TP73: variants seen among roughly 807,000 people sequenced by gnomAD.
TP73 encodes tumor protein p73, also known as p53-like transcription factor.
Under a neutral mutation model 62.5 loss-of-function variants are expected in TP73, and 25 were observed. The observed-to-expected ratio is 0.40, with a 90% CI of 0.29 to 0.56. The LOEUF (loss-of-function observed/expected upper bound fraction) is 0.56. Ranked by LOEUF, TP73 falls within the 20% of genes least tolerant of loss-of-function variation. TP73 has a pLI of 0.46. For missense variants in TP73, 754 were observed against 913.3 expected (o/e 0.83, Z 2.25); for synonymous variants, 423 against 377.5 (o/e 1.12, Z -1.40).
At chr1:3,697,734 A>C (rs1318205948) in intron 3 of TP73, among the ~76,000 whole-genome samples, 1 of 152,218 alleles carries the variant, frequency 6.6e-6, no homozygotes, top group African/African-American at 2.4e-5. Flanking sequence ...AGGCCAGTGC[A>C]CTGGGCGGGA....
At chr1:3,693,642 G>C (rs372125190) in intron 3 of TP73, among the ~76,000 whole-genome samples, 1 of 152,060 alleles carries the variant, frequency 6.6e-6, no homozygotes, top group South Asian at 2.1e-4. Flanking sequence ...AGATGGGGAC[G>C]CAGGGGGGCC....
intron 1 of TP73, among the ~76,000 whole-genome samples, chr1:3,661,749 TAC>T (rs1325016145): frequency 6.8e-6 from 1 of 147,248 alleles, no homozygotes; most frequent in Admixed American, 6.9e-5. Context: ...TAATATGTAT[TAC>T]ATATATACAT....
At position 3,684,808 on chromosome 1, in the gene TP73, G is replaced by C. The variant is rs553322618; in HGVS notation, c.186+1628G>C. Among the ~76,000 whole-genome samples, 10 of 151,972 alleles carry C rather than the reference G, an allele frequency of 6.6e-5. No individual in the cohort carries two copies. In the East Asian group the frequency reaches 1.9e-3, roughly 30 times the overall value. On this transcript the variant is annotated intron_variant, in intron 3 of 13. Transcript: ENST00000378295. ...CCAGTGGAAACACTCGACAGTGTCT[G>C]CGCGTGTTCTAGTCCCGTGTTATGG...
chr1:3,722,524 G>T (rs963749341), intron 5 of TP73, among the ~76,000 whole-genome samples: 1 of 152,212 alleles, frequency 6.6e-6, no homozygotes, highest in Non-Finnish European at 1.5e-5. Context: ...CTACCCCAAG[G>T]ATTAGCAGGA....
Position 3,730,940 on chromosome 1 carries a change from C to T in TP73, c.1359C>T (p.Leu453=), listed in dbSNP as rs1356468585. The change falls in exon 12 of 14, where the codon CTC becomes CTT. Residue 453 remains leucine (L), a synonymous_variant. Coordinates refer to ENST00000378295, the MANE Select transcript of TP73 (RefSeq NM_005427.4). The part of the protein sequence containing the change: ...PNLGPVGPGM[L]NNHGHAVPAN... ...CCTCTCACCCAGGCCCCGGGATGCT[C>T]AACAACCATGGCCACGCAGTGCCAG... is the stretch of plus-strand genomic sequence containing the variant. The T allele has an allele frequency of 1.9e-6, 3 of 1,608,042 alleles. No individual in the cohort carries two copies. The highest frequency in any genetic ancestry group is 2.5e-6 in the Non-Finnish European group (3 of 1,177,858).
At chr1:3,665,294 C>G (rs556073768) in intron 1 of TP73, among the ~76,000 whole-genome samples, 1 of 151,966 alleles carries the variant, frequency 6.6e-6, no homozygotes, top group Non-Finnish European at 1.5e-5. Context: ...TTGTGAAAGT[C>G]CCCCCCAAGC....
At position 3,701,110 on chromosome 1, in the gene TP73, G is replaced by T. The variant is rs894958762; in HGVS notation, c.187-6439G>T. 1.3e-5 allele frequency among the ~76,000 whole-genome samples: 2 copies of T among 152,210 alleles called. No individual in the cohort carries two copies. The highest frequency in any genetic ancestry group is 4.8e-5 in the African/African-American group (2 of 41,456). ...TTGGATGGCCCGCGTGGATTTCAGGGTCTGTTTCATCCAACCAAGAGTTTC... is the reference window on the plus strand; with the variant it reads ...TTGGATGGCCCGCGTGGATTTCAGGTTCTGTTTCATCCAACCAAGAGTTTC... On this transcript the variant is annotated intron_variant, in intron 3 of 13. Transcript: ENST00000378295. The surrounding 1 kb of genome is among the most constrained non-coding windows in gnomAD (Gnocchi z 4.7).
Position 3,731,073 on chromosome 1 carries a change from G to A in TP73, c.1484+8G>A. On this transcript the variant is annotated splice_region_variant and intron_variant, in intron 12 of 13. Coordinates refer to ENST00000378295, the MANE Select transcript of TP73 (RefSeq NM_005427.4). The stretch of plus-strand genomic sequence containing the variant: ...CGACCCCAGCCTCGTCAGGTGCGTG[G>A]GCTGCCGAGGGCCTGAGCATGTGCT... The A allele has an allele frequency of 1.2e-6, 2 of 1,609,088 alleles. No homozygotes were observed. Among genetic ancestry groups the A allele is most frequent in the Non-Finnish European group, 1.7e-6 (2 of 1,177,878 alleles).
intron 2 of TP73, 95 bp downstream of exon 2, chr1:3,682,525 G>C (rs764615888): frequency 4.0e-6 from 5 of 1,240,720 alleles, no homozygotes; most frequent in Non-Finnish European, 4.3e-6. Flanking sequence ...GGCCAGAGCA[G>C]GAGGGGTGGC....
intron 3 of TP73, among the ~76,000 whole-genome samples, chr1:3,702,581 G>A (rs758695961): frequency 2.6e-5 from 4 of 152,184 alleles, no homozygotes; most frequent in Non-Finnish European, 4.4e-5. Flanking sequence ...GGGTGGGTGC[G>A]TGGGGGCTGC....
intron 4 of TP73, among the ~76,000 whole-genome samples, chr1:3,717,159 T>C (rs1640668454): frequency 1.3e-5 from 2 of 152,250 alleles, no homozygotes; most frequent in African/African-American, 4.8e-5. Context: ...GCTGTCCTCC[T>C]GCCCAAACCT....
chr1:3,668,873 C>T (rs535372888), intron 1 of TP73: 1 of 152,466 alleles, frequency 6.6e-6, no homozygotes, highest in South Asian at 2.1e-4. Flanking sequence ...CCCTGTCAGT[C>T]GCCTTGAGGA....
intron 3 of TP73, among the ~76,000 whole-genome samples, chr1:3,694,719 A>C (rs149255971): frequency 2.2e-3 from 28 of 12,498 alleles, no homozygotes; most frequent in Admixed American, 7.1e-3. Flanking sequence ...AATCCCAGCC[A>C]TGCAGCCTCA....
At chr1:3,727,824 T>C (rs1018154287) in intron 8 of TP73, 54 bp downstream of exon 8, 63 of 1,476,520 alleles carry the variant, frequency 4.3e-5, no homozygotes, top group Non-Finnish European at 5.7e-5. Context: ...GGGGACACAT[T>C]GGCAGGACAC....
intron 4 of TP73, chr1:3,708,012 G>A: frequency 1.4e-6 from 1 of 692,870 alleles, no homozygotes; most frequent in Non-Finnish European, 2.4e-6. Context: ...GAGCCAGTCA[G>A]CCTCCAAAGG....
intron 8 of TP73, 30 bp from the exon 9 acceptor site, chr1:3,728,099 T>C (rs1316527815): frequency 6.3e-7 from 1 of 1,592,834 alleles, no homozygotes; most frequent in Non-Finnish European, 8.5e-7. Flanking sequence ...TCCTGCCTGC[T>C]CACCCCGCCT....
chr1:3,688,921 G>T (rs1645735292), intron 3 of TP73, among the ~76,000 whole-genome samples: 1 of 152,154 alleles, frequency 6.6e-6, no homozygotes, highest in East Asian at 1.9e-4. Flanking sequence ...AAAACCATCA[G>T]GCCGGCCCTG....
chr1:3,690,205 C>T (rs1243366330), intron 3 of TP73, among the ~76,000 whole-genome samples: 1 of 152,196 alleles, frequency 6.6e-6, no homozygotes. Context: ...ACAAGAGCTG[C>T]TCACTCCCGT....
intron 3 of TP73, among the ~76,000 whole-genome samples, chr1:3,684,595 G>C (rs149623335): frequency 2.8e-3 from 424 of 152,108 alleles, no homozygotes; most frequent in African/African-American, 9.7e-3. Context: ...TAGAGGTGGA[G>C]GGGCCGTGTT....
Sources: allele counts gnomAD v4.1 joint callset (sites outside exome capture counted in the v4.1 genomes callset), GRCh38; gene constraint gnomAD v4.1.1; non-coding constraint Gnocchi (gnomAD v3.1); transcripts MANE v1.5; gene names NCBI Gene and HGNC (gene_info 2026-07-23, HGNC 2026-07-21).